The following GSE1 variants were observed in gnomAD, a reference collection of about 807,000 sequenced individuals.
GSE1 encodes Gse1 coiled-coil protein, also known as genetic suppressor element 1.
A neutral mutation model predicts 112.6 loss-of-function variants in GSE1; 32 were observed. The ratio of observed to expected loss-of-function variants is 0.28; its 90% CI spans 0.21 to 0.38. The LOEUF is 0.38. Among genes scored for constraint, GSE1 ranks in the 10% least tolerant of loss-of-function variants. The pLI is 1.00. For missense variants in GSE1, 2,348 were observed against 1,699.2 expected (o/e 1.38, Z -6.71); for synonymous variants, 1,115 against 735.6 (o/e 1.52, Z -8.35).
chr16:85,500,187 C>G (rs1379609064), intron 2 of GSE1, among the ~76,000 whole-genome samples: 1 of 152,224 alleles, frequency 6.6e-6, no homozygotes, highest in East Asian at 1.9e-4. Flanking sequence ...GCGAGGCCCG[C>G]TCAGTCTGGA....
At chr16:85,455,249 G>A (rs2049793745) in intron 2 of GSE1, among the ~76,000 whole-genome samples, 1 of 152,214 alleles carries the variant, frequency 6.6e-6, no homozygotes, top group Admixed American at 6.5e-5. Flanking sequence ...AGCCTGGCGT[G>A]GTGGCACATG....
chr16:85,199,994 C>T (rs547733832), intron 1 of GSE1, among the ~76,000 whole-genome samples: 1 of 152,320 alleles, frequency 6.6e-6, no homozygotes, highest in East Asian at 1.9e-4. Context: ...CCCTGCCTGA[C>T]TTTGCCCTCT....
chr16:85,657,528 G>A lies in GSE1; in HGVS notation c.1564G>A (p.Val522Met). 1 of 1,604,072 alleles carries A rather than the reference G, an allele frequency of 6.2e-7. No individual in the cohort carries two copies. Among genetic ancestry groups the A allele is most frequent in the East Asian group, 2.2e-5 (1 of 44,526 alleles). Reference protein sequence around the residue: ...QSQVSEFRQQVLEQHLDMGRP... With the variant: ...QSQVSEFRQQMLEQHLDMGRP... ...TCAGGTGTCCGAGTTCCGGCAGCAGGTGCTGGAGCAGCACCTGGATATGGG... is the reference window on the plus strand; with the variant it reads ...TCAGGTGTCCGAGTTCCGGCAGCAGATGCTGGAGCAGCACCTGGATATGGG... Residue 522 changes from valine (V) to methionine (M), a missense_variant, in exon 8 of 16, where the codon GTG becomes ATG. Physicochemically the swap from Val to Met is conservative, Grantham distance 21. Transcript: ENST00000253458.
intron 1 of GSE1, among the ~76,000 whole-genome samples, chr16:85,235,303 G>C (rs1283239293): frequency 6.6e-6 from 1 of 151,674 alleles, no homozygotes; most frequent in African/African-American, 2.4e-5. Flanking sequence ...CCCACTGCTG[G>C]GGGGTGACGG....
intron 1 of GSE1, among the ~76,000 whole-genome samples, chr16:85,200,751 A>G (rs1413371966): frequency 6.6e-6 from 1 of 152,190 alleles, no homozygotes; most frequent in East Asian, 1.9e-4. Context: ...ATGACGGGAA[A>G]TGGACTATTT....
chr16:85,645,216 G>A (rs1306694588), intron 2 of GSE1, among the ~76,000 whole-genome samples: 4 of 152,030 alleles, frequency 2.6e-5, no homozygotes, highest in African/African-American at 9.7e-5. Flanking sequence ...GTTGGGTCAC[G>A]CCTCAGGGGC....
chr16:85,312,204 C>CGG (rs35882426), intron 1 of GSE1, among the ~76,000 whole-genome samples: 2,870 of 55,380 alleles, frequency 0.052, 570 homozygotes, highest in African/African-American at 0.18. Flanking sequence ...GATCCTCTTG[C>CGG]GGGGGGGGGG....
chr16:85,343,547 G>C (rs905252988), intron 1 of GSE1, among the ~76,000 whole-genome samples: 2 of 152,104 alleles, frequency 1.3e-5, no homozygotes, highest in Non-Finnish European at 2.9e-5. Flanking sequence ...CCAACAGTTC[G>C]AGATGAGCTT....
chr16:85,644,548 G>T (rs2050698525), intron 2 of GSE1, among the ~76,000 whole-genome samples: 1 of 152,172 alleles, frequency 6.6e-6, no homozygotes, highest in Admixed American at 6.5e-5. Flanking sequence ...GGCTCCCAGT[G>T]AGAGGAGCCA....
intron 2 of GSE1, among the ~76,000 whole-genome samples, chr16:85,540,231 C>T (rs2044474059): frequency 6.6e-6 from 1 of 152,216 alleles, no homozygotes; most frequent in Non-Finnish European, 1.5e-5. Context: ...GGAGGACGTA[C>T]ACGTCTGGTA....
intron 2 of GSE1, among the ~76,000 whole-genome samples, chr16:85,645,912 C>G (rs969093436): frequency 2.0e-5 from 3 of 147,544 alleles, no homozygotes; most frequent in African/African-American, 7.5e-5. Context: ...ACCATGCTTT[C>G]TATGCATGCA....
intron 1 of GSE1, among the ~76,000 whole-genome samples, chr16:85,291,863 A>C (rs2045224781): frequency 6.6e-6 from 1 of 152,012 alleles, no homozygotes; most frequent in African/African-American, 2.4e-5. Flanking sequence ...CTCTCACCAC[A>C]AAGGGCCCTT....
At chr16:85,667,547 CTA>C (rs559214686) in intron 13 of GSE1, among the ~76,000 whole-genome samples, 10 of 152,182 alleles carry the variant, frequency 6.6e-5, no homozygotes, top group Admixed American at 3.3e-4. Context: ...TGAGGGCTGA[CTA>C]TAGACCAAGC....
chr16:85,558,849 G>T (rs1317254175), intron 1 of GSE1, among the ~76,000 whole-genome samples: 1 of 152,274 alleles, frequency 6.6e-6, no homozygotes, highest in Non-Finnish European at 1.5e-5. Flanking sequence ...GATGGAAACG[G>T]CAGTGGCCTG....
At chr16:85,433,344 AAGT>A (rs1160455529) in intron 2 of GSE1, among the ~76,000 whole-genome samples, 1 of 152,122 alleles carries the variant, frequency 6.6e-6, no homozygotes, top group East Asian at 1.9e-4. Flanking sequence ...CAGATTATAA[AAGT>A]AGAGTTGTGA....
exon 1 of GSE1, chr16:85,170,169 GGCTCCGGGACCC>G (rs1182480456): frequency 3.0e-6 from 3 of 985,228 alleles, no homozygotes; most frequent in African/African-American, 1.7e-5. Context: ...AGTGGAGGCC[GGCTCCGGGACCC>G]GCTCCGGGAC....
intron 2 of GSE1, among the ~76,000 whole-genome samples, chr16:85,400,769 TGTGTGTGTCTCTGTGTGTGTG>T (rs1007213474): frequency 1.3e-5 from 2 of 150,684 alleles, no homozygotes; most frequent in Non-Finnish European, 3.0e-5. Flanking sequence ...GTCTCTGTGA[TGTGTGTGTCTCTGTGTGTGTG>T]GTGTGTGTCT....
At chr16:85,207,170 G>A (rs1363423083) in intron 1 of GSE1, among the ~76,000 whole-genome samples, 1 of 152,170 alleles carries the variant, frequency 6.6e-6, no homozygotes, top group Non-Finnish European at 1.5e-5. Context: ...GAGGCAGAAT[G>A]TGGAGCCGAA....
At position 85,661,208 on chromosome 16, in the gene GSE1, C is replaced by T. The variant is rs1455605320; in HGVS notation, c.1703C>T (p.Pro568Leu). ...CCTCCGCAGCACTTTGGGGGGCCACCACCTCTGATTTCGCCCAAGCCCCAG... is the reference window on the plus strand; with the variant it reads ...CCTCCGCAGCACTTTGGGGGGCCACTACCTCTGATTTCGCCCAAGCCCCAG... The part of the protein sequence containing the change: ...RDPPQHFGGP[P>L]PLISPKPQLH... The change falls in exon 9 of 16, where the codon CCA (proline) becomes CTA (leucine). Residue 568 changes from proline to leucine, a missense_variant. Coordinates refer to ENST00000253458, the MANE Select transcript of GSE1 (RefSeq NM_014615.5). 1.2e-6 allele frequency: 2 copies of T among 1,606,896 alleles called. No individual in the cohort carries two copies. The highest frequency in any genetic ancestry group is 8.5e-7 in the Non-Finnish European group (1 of 1,175,244).
Sources: gnomAD v4.1 joint callset for allele counts (sites outside exome capture counted in the v4.1 genomes callset) on GRCh38, gnomAD v4.1.1 for gene constraint, MANE v1.5 for transcripts, NCBI Gene and HGNC (gene_info 2026-07-23, HGNC 2026-07-21) for gene names.